The following NDUFS6 variants were observed in gnomAD, a reference collection of about 807,000 sequenced individuals.
NDUFS6 encodes NADH dehydrogenase [ubiquinone] iron-sulfur protein 6, mitochondrial.
Under a neutral mutation model 13.2 loss-of-function variants are expected in NDUFS6, and 14 were observed. That is an observed-to-expected ratio of 1.06 (90% CI 0.70 to 1.66). The LOEUF (loss-of-function observed/expected upper bound fraction) is 1.66. NDUFS6 is among the 40% of genes most tolerant of loss of function. The pLI is 0.00. For synonymous variants in NDUFS6, 95 were observed against 72.3 expected (o/e 1.31, Z -1.60); for missense variants, 206 against 170.8 (o/e 1.21, Z -1.15).
At chr5:1,815,285 G>C (rs1000723574) in intron 3 of NDUFS6, among the ~76,000 whole-genome samples, 1 of 152,124 alleles carries the variant, frequency 6.6e-6, no homozygotes, top group Admixed American at 6.5e-5. Flanking sequence ...TGCAGGGAGA[G>C]GGGGAGGCCA....
At chr5:1,810,285 C>G (rs1373681221) in intron 2 of NDUFS6, among the ~76,000 whole-genome samples, 1 of 152,214 alleles carries the variant, frequency 6.6e-6, no homozygotes, top group Non-Finnish European at 1.5e-5. Context: ...GCGGGGCTGG[C>G]CCTCCAGGAG....
chr5:1,815,140 G>A (rs1734288223), intron 3 of NDUFS6, among the ~76,000 whole-genome samples: 1 of 152,030 alleles, frequency 6.6e-6, no homozygotes, highest in Non-Finnish European at 1.5e-5. Flanking sequence ...TCATATACAG[G>A]ACCATTGAGA....
chr5:1,807,477 T>G (rs1734145200), intron 2 of NDUFS6, among the ~76,000 whole-genome samples: 1 of 152,156 alleles, frequency 6.6e-6, no homozygotes, highest in South Asian at 2.1e-4. Flanking sequence ...GGGAAGTGGC[T>G]TCAGGCCCAC....
At position 1,801,448 on chromosome 5, in the gene NDUFS6, C is replaced by CTG. The variant is rs769666581; in HGVS notation, c.32_33dup (p.Asn12Ter). On this transcript the variant is annotated frameshift_variant, in exon 1 of 4. Coordinates refer to ENST00000274137, the MANE Select transcript of NDUFS6 (RefSeq NM_004553.6). LOFTEE classifies it high-confidence loss of function. ...GGCGGCGATGACCTTCTGCCGGCTG[C>CTG]TGAACCGGTGTGGCGAGGCGGCGCG... 3.1e-6 allele frequency: 5 copies of CTG among 1,605,118 alleles called. No individual in the cohort carries two copies. In the Admixed American group the frequency reaches 8.4e-5, roughly 27 times the overall value.
intron 2 of NDUFS6, among the ~76,000 whole-genome samples, chr5:1,811,529 G>A (rs987522933): frequency 6.6e-6 from 1 of 152,208 alleles, no homozygotes; most frequent in African/African-American, 2.4e-5. Flanking sequence ...CCTACATGCA[G>A]CTGTTGGTGT....
At chr5:1,804,946 C>T (rs1484807912) in intron 2 of NDUFS6, among the ~76,000 whole-genome samples, 1 of 152,220 alleles carries the variant, frequency 6.6e-6, no homozygotes, top group Admixed American at 6.5e-5. Context: ...CCTAAAAATC[C>T]TCTGTGCTCT....
At chr5:1,802,170 T>C (rs1734056501) in intron 1 of NDUFS6, 151 bp from the exon 2 acceptor site, 1 of 686,944 alleles carries the variant, frequency 1.5e-6, no homozygotes, top group African/African-American at 1.8e-5. Flanking sequence ...AAAATGCCCC[T>C]GATTACACCG....
Position 1,804,406 on chromosome 5 carries a change from G to A in NDUFS6, c.186+2032G>A, listed in dbSNP as rs151250667. On this transcript the variant is annotated intron_variant, in intron 2 of 3. Transcript: ENST00000274137. ...AATCAGGATTGGCGAAGCCAGTGAG[G>A]GGTGGGTACGGGATAGTGTGATAGT... Among the ~76,000 whole-genome samples, 35 of 152,362 alleles carry A rather than the reference G, an allele frequency of 2.3e-4. No individual in the cohort carries two copies. The East Asian group carries it at 6.6e-3, about 29-fold the overall frequency.
intron 2 of NDUFS6, 131 bp downstream of exon 2, chr5:1,802,505 G>A (rs954309181): frequency 2.9e-6 from 2 of 680,180 alleles, no homozygotes; most frequent in Non-Finnish European, 4.9e-6. Context: ...AGTTCTGGAT[G>A]GGGTTCTTCC....
intron 1 of NDUFS6, 59 bp downstream of exon 1, chr5:1,801,608 G>A: frequency 6.6e-7 from 1 of 1,524,494 alleles, no homozygotes; most frequent in South Asian, 1.2e-5. Context: ...GCGACTGGTG[G>A]CAGTGGGCTC....
chr5:1,809,648 C>T (rs1734187695), intron 2 of NDUFS6, among the ~76,000 whole-genome samples: 1 of 152,250 alleles, frequency 6.6e-6, no homozygotes, highest in African/African-American at 2.4e-5. Context: ...TGGCCGGTCT[C>T]TTTGACTGCC....
Position 1,801,456 on chromosome 5 carries a change from G to A in NDUFS6, c.39G>A (p.Arg13=), listed in dbSNP as rs777509682. The change falls in exon 1 of 4, where the codon CGG becomes CGA. Residue 13 remains arginine, a synonymous_variant. Coordinates refer to ENST00000274137, the MANE Select transcript of NDUFS6 (RefSeq NM_004553.6). ...TGACCTTCTGCCGGCTGCTGAACCG[G>A]TGTGGCGAGGCGGCGCGGAGCCTGC... is the stretch of plus-strand genomic sequence containing the variant. ...AAMTFCRLLN[R]CGEAARSLPL... 1.2e-5 allele frequency: 20 copies of A among 1,604,948 alleles called. No homozygotes were observed. In the East Asian group the frequency reaches 4.5e-4, roughly 36 times the overall value.
In NDUFS6 at chr5:1,814,539, C is replaced by G. The variant is rs1234859677; in HGVS notation, c.309+78C>G. 1 of 1,606,250 alleles carries G rather than the reference C, an allele frequency of 6.2e-7. No homozygotes were observed. Among genetic ancestry groups the G allele is most frequent in the African/African-American group, 1.3e-5 (1 of 74,910 alleles). ...CTCCCCTTCACTCCCAGTGCCTGTT[C>G]TTTCTGTCCTCTTCTCTACCTGCTC... is the stretch of plus-strand genomic sequence containing the variant. On this transcript the variant is annotated intron_variant, in intron 3 of 3. Transcript: ENST00000274137. This position sits in a 1 kb window ranked among gnomAD's most constrained non-coding sequence, Gnocchi z 4.9.
At chr5:1,806,901 G>T (rs1355170777) in intron 2 of NDUFS6, among the ~76,000 whole-genome samples, 2 of 152,166 alleles carry the variant, frequency 1.3e-5, no homozygotes, top group Middle Eastern at 3.2e-3. Flanking sequence ...CAGTTTGGGG[G>T]TCCATTGTCA....
At chr5:1,813,914 G>T (rs1232665648) in intron 2 of NDUFS6, among the ~76,000 whole-genome samples, 3 of 152,246 alleles carry the variant, frequency 2.0e-5, no homozygotes, top group African/African-American at 7.2e-5. Context: ...GTTTACTGAG[G>T]TGGATAACTG....
chr5:1,807,131 C>CTCAGAGGTACTGT (rs1734137255), intron 2 of NDUFS6, among the ~76,000 whole-genome samples: 2 of 124,880 alleles, frequency 1.6e-5, no homozygotes, highest in African/African-American at 9.3e-5. Flanking sequence ...AGAGGTACTG[C>CTCAGAGGTACTGT]GTGAGGTACT....
intron 3 of NDUFS6, 101 bp from the exon 4 acceptor site, chr5:1,815,750 T>C (rs1325351870): frequency 8.2e-7 from 1 of 1,217,730 alleles, no homozygotes; most frequent in African/African-American, 1.5e-5. Context: ...CGTATTTTTG[T>C]TTCTGACAGT....
intron 2 of NDUFS6, among the ~76,000 whole-genome samples, chr5:1,813,025 C>T (rs1734243737): frequency 6.6e-6 from 1 of 152,012 alleles, no homozygotes; most frequent in Non-Finnish European, 1.5e-5. Flanking sequence ...GCATTCCAGC[C>T]TGGGCGACAG....
intron 2 of NDUFS6, among the ~76,000 whole-genome samples, chr5:1,808,114 G>T (rs1176407871): frequency 9.2e-5 from 14 of 152,314 alleles, no homozygotes; most frequent in Admixed American, 9.2e-4. Context: ...CAGGTCATCT[G>T]GTTGGTGGCA....
Sources: gnomAD v4.1 joint callset for allele counts (sites outside exome capture counted in the v4.1 genomes callset) on GRCh38, gnomAD v4.1.1 for gene constraint, Gnocchi (gnomAD v3.1) non-coding constraint, MANE v1.5 for transcripts, NCBI Gene and HGNC (gene_info 2026-07-23, HGNC 2026-07-21) for gene names.